The following UTP20 variants were observed in gnomAD, a reference collection of about 807,000 sequenced individuals.
UTP20 encodes UTP20 small subunit processome component.
In UTP20, 164 loss-of-function variants were observed where a neutral mutation model predicts 329.5. The ratio of observed to expected loss-of-function variants is 0.50; its 90% CI spans 0.44 to 0.57. The LOEUF is 0.57. UTP20 is among the 20% of genes least tolerant of loss of function. The probability of loss-of-function intolerance (pLI) is 0.00; values close to 1 mark genes in which losing one functional copy is unlikely to be tolerated. For synonymous variants in UTP20, 1,151 were observed against 1,159.3 expected (o/e 0.99, Z 0.14); for missense variants, 3,055 against 3,284.2 (o/e 0.93, Z 1.71).
rs532457594 is a variant in UTP20 at position 101,341,313 on chromosome 12, A to G, written c.4101+703A>G. Among the ~76,000 whole-genome samples, 7 of 93,158 alleles carry G rather than the reference A, an allele frequency of 7.5e-5. No individual in the cohort carries two copies. The East Asian group carries it at 0.012, about 165-fold the overall frequency. The allele number at this position is 93,158 out of a possible 152,430, so 61.1% of individuals were successfully genotyped here. Reference sequence around the variant, plus strand: ...ATCTTAATTGTAGATCACAGTGGCAAAACAGAATAAAATCAGACTTTTAAT... The same window carrying G: ...ATCTTAATTGTAGATCACAGTGGCAGAACAGAATAAAATCAGACTTTTAAT... On this transcript the variant is annotated intron_variant, in intron 32 of 61. Transcript: ENST00000261637.
chr12:101,308,303 A>T lies in UTP20; in HGVS notation c.2114A>T (p.Asp705Val), dbSNP rs1411928715. 9.9e-6 allele frequency: 16 copies of T among 1,611,416 alleles called. No individual in the cohort carries two copies. The highest frequency in any genetic ancestry group is 1.4e-5 in the Non-Finnish European group (16 of 1,178,934). ...KLLHLRKLRH[D>V]VVQTAVPDGP... ...CTTCATTTGAGAAAACTAAGACATG[A>T]TGTGGTACAGACTGCTGTCCCTGAT... Residue 705 changes from aspartate (D) to valine (V), a missense_variant, in exon 18 of 62, where the codon GAT becomes GTT. Asp to Val is a radical substitution (Grantham distance 152, BLOSUM62 -3). Transcript: ENST00000261637.
At position 101,370,636 on chromosome 12, in the gene UTP20, T is replaced by C; in HGVS notation, c.6687+73T>C. On this transcript the variant is annotated intron_variant, in intron 50 of 61. Transcript: ENST00000261637. ...GCAGATATTTTGAACACATAGATCA[T>C]AGTGTTTTGACTAGTCATAGACTTC... 1.3e-6 allele frequency: 2 copies of C among 1,482,074 alleles called. 1 individual carries two copies. The highest frequency in any genetic ancestry group is 2.6e-5 in the South Asian group (2 of 75,952). The allele number at this position is 1,482,074 out of a possible 1,614,324, so 91.8% of individuals were successfully genotyped here.
rs1302850358 is a variant in UTP20, at chr12:101,356,680, G to A, written c.5521G>A (p.Ala1841Thr). 2.5e-6 allele frequency: 4 copies of A among 1,609,774 alleles called. No individual in the cohort carries two copies. Among genetic ancestry groups the A allele is most frequent in the Non-Finnish European group, 3.4e-6 (4 of 1,179,178 alleles). ...GTCCCTTCCACAAGAAGTTATGGAA[G>A]CTAATCTGCCAAGGTATGTTTTTTA... ...MQSLPQEVMEANLPSILLKVC... is the reference protein window; with the variant it reads ...MQSLPQEVMETNLPSILLKVC... Residue 1841 changes from alanine (A) to threonine (T), a missense_variant, in exon 42 of 62, where the codon GCT (alanine) becomes ACT (threonine). This residue lies in a region of UTP20 where 2,445 missense variants were observed against 2,575.5 expected (regional missense o/e 0.95). Coordinates refer to ENST00000261637, the MANE Select transcript of UTP20 (RefSeq NM_014503.3).
intron 11 of UTP20, among the ~76,000 whole-genome samples, chr12:101,294,732 G>A (rs1350603821): frequency 7.2e-5 from 11 of 151,800 alleles, no homozygotes; most frequent in African/African-American, 2.7e-4. Context: ...TAGTAGAGAC[G>A]GGGTTTTACC....
At chr12:101,293,333 GT>G in intron 11 of UTP20, 88 bp downstream of exon 11, 2 of 1,278,958 alleles carry the variant, frequency 1.6e-6, no homozygotes, top group Non-Finnish European at 2.2e-6. Flanking sequence ...ATTTCTGTTT[GT>G]TTTTTGAGAG....
intron 21 of UTP20, among the ~76,000 whole-genome samples, chr12:101,313,764 G>A (rs769235574): frequency 4.0e-5 from 6 of 151,058 alleles, no homozygotes; most frequent in Non-Finnish European, 7.4e-5. Context: ...AATGGGGGAG[G>A]GACAGAATCA....
rs900539324 is a variant in UTP20 at position 101,375,568 on chromosome 12, C to A, written c.7264-56C>A. On this transcript the variant is annotated intron_variant, in intron 55 of 61. Transcript: ENST00000261637. ...GATTGATGTGCTGGAGTAAAATTGT[C>A]CATCAGATACTTTCAGATTGTTGTT... The A allele has an allele frequency of 8.8e-6, 14 of 1,583,522 alleles. No individual in the cohort carries two copies. The African/African-American group carries it at 1.5e-4, about 17-fold the overall frequency.
intron 21 of UTP20, among the ~76,000 whole-genome samples, chr12:101,313,798 C>T (rs1174816187): frequency 1.3e-5 from 2 of 151,808 alleles, no homozygotes; most frequent in Non-Finnish European, 2.9e-5. Flanking sequence ...AGGCTTTGGC[C>T]TGAGCAACTA....
intron 18 of UTP20, 79 bp from the exon 19 acceptor site, chr12:101,309,684 T>TTTGGGG: frequency 7.1e-7 from 1 of 1,416,170 alleles, no homozygotes. Context: ...TTGTCCAACT[T>TTTGGGG]GGGATGTTTG....
intron 44 of UTP20, 95 bp downstream of exon 44, chr12:101,362,155 A>G: frequency 1.1e-6 from 1 of 900,158 alleles, no homozygotes; most frequent in Non-Finnish European, 1.7e-6. Flanking sequence ...ATAGCCCATA[A>G]AAATGAAAAT....
At chr12:101,311,863 GC>G in intron 20 of UTP20, 65 bp downstream of exon 20, 1 of 1,562,956 alleles carries the variant, frequency 6.4e-7, no homozygotes, top group African/African-American at 1.4e-5. Context: ...TGTTTTTATT[GC>G]TTAATTACTC....
At chr12:101,310,298 G>A (rs778525572) in intron 19 of UTP20, among the ~76,000 whole-genome samples, 7 of 151,916 alleles carry the variant, frequency 4.6e-5, no homozygotes, top group East Asian at 3.9e-4. Context: ...GTTATAGGCC[G>A]GGCACGGTGA....
At position 101,370,582 on chromosome 12, in the gene UTP20, G is replaced by A. The variant is rs370766737; in HGVS notation, c.6687+19G>A. 4 of 1,607,254 alleles carry A rather than the reference G, an allele frequency of 2.5e-6. No individual in the cohort carries two copies. In the African/African-American group the frequency reaches 5.4e-5, roughly 22 times the overall value. On this transcript the variant is annotated intron_variant, in intron 50 of 61. Coordinates refer to ENST00000261637, the MANE Select transcript of UTP20 (RefSeq NM_014503.3). ...TCTGAAGGTATGCTGTCGCCAGAAT[G>A]TTGACTGTTACGGTTTATGAGTTTC...
At chr12:101,293,978 G>A (rs564395940) in intron 11 of UTP20, among the ~76,000 whole-genome samples, 3 of 151,980 alleles carry the variant, frequency 2.0e-5, no homozygotes, top group East Asian at 1.9e-4. Flanking sequence ...TTTGTTTTCT[G>A]CTCCCATCTT....
chr12:101,373,722 A>G lies in UTP20; in HGVS notation c.7086A>G (p.Lys2362=), dbSNP rs773184854. The G allele has an allele frequency of 1.2e-6, 2 of 1,611,602 alleles. No individual in the cohort carries two copies. Among genetic ancestry groups the G allele is most frequent in the Admixed American group, 1.7e-5 (1 of 59,116 alleles). ...SLLGKISLEK[K]DWLFDMVTTW... ...TTGGTAAAATCAGCCTCGAGAAAAA[A>G]GATTGGCTGTTTGATATGGTTACCA... Residue 2362 remains lysine, a synonymous_variant, in exon 54 of 62, where the codon AAA becomes AAG. Transcript: ENST00000261637.
rs144318853 is a variant in UTP20, at chr12:101,280,444, G to A, written c.45+117G>A. The A allele has an allele frequency of 4.6e-3, 5,961 of 1,306,524 alleles. 24 individuals are homozygous for A. The highest frequency in any genetic ancestry group is 0.016 in the Middle Eastern group (70 of 4,256). 80.9% of individuals were successfully genotyped at this position (1,306,524 alleles called of 1,614,324 possible). ...CTGGGCCGAGTGTGTCACTTTCCTG[G>A]AGGCTCCGGCGAAAGAGGGAGACAC... On this transcript the variant is annotated intron_variant, in intron 1 of 61. Transcript: ENST00000261637.
At chr12:101,381,933 C>T (rs953108080) in intron 58 of UTP20, among the ~76,000 whole-genome samples, 1 of 147,804 alleles carries the variant, frequency 6.8e-6, no homozygotes, top group Non-Finnish European at 1.5e-5. Flanking sequence ...GCAAGAGACT[C>T]ACTTGAACTG....
chr12:101,340,937 C>CTTTTTTTTTTTTT lies in UTP20; in HGVS notation c.4101+370_4101+382dup, dbSNP rs71091488. Among the ~76,000 whole-genome samples, 9 of 83,024 alleles carry CTTTTTTTTTTTTT rather than the reference C, an allele frequency of 1.1e-4. 3 individuals carry two copies. Among genetic ancestry groups the CTTTTTTTTTTTTT allele is most frequent in the Admixed American group, 3.0e-4 (2 of 6,584 alleles). The allele number at this position is 83,024 out of a possible 152,430, so 54.5% of individuals were successfully genotyped here. ...GAACCCAAGAAGTGCATTGTGTAATCTTTTTTTTTTTTTTTTTTTTTTTTT... is the reference window on the plus strand; with the variant it reads ...GAACCCAAGAAGTGCATTGTGTAATCTTTTTTTTTTTTTTTTTTTTTTTTTTTTTTTTTTTTTT... On this transcript the variant is annotated intron_variant, in intron 32 of 61. Coordinates refer to ENST00000261637, the MANE Select transcript of UTP20 (RefSeq NM_014503.3).
In UTP20 at chr12:101,302,460, T is replaced by C. The variant is rs1343814165; in HGVS notation, c.1688T>C (p.Val563Ala). The change falls in exon 15 of 62, where the codon GTT becomes GCT. Residue 563 changes from valine to alanine, a missense_variant. By Grantham distance (64) the Val-to-Ala change is moderately conservative (BLOSUM62 0). This residue lies in a region of UTP20 where 2,445 missense variants were observed against 2,575.5 expected (regional missense o/e 0.95). Transcript: ENST00000261637. ...KGSFGKGNLFVLCQAVNTLLS... is the reference protein window; with the variant it reads ...KGSFGKGNLFALCQAVNTLLS... ...TTTCTGCCCTTAGGAAACTTATTTG[T>C]TCTTTGTCAAGCTGTAAATACTCTA... 1 of 1,604,942 alleles carries C rather than the reference T, an allele frequency of 6.2e-7. No homozygotes were observed. The highest frequency in any genetic ancestry group is 1.7e-5 in the Admixed American group (1 of 58,140).
Sources: allele counts gnomAD v4.1 joint callset (sites outside exome capture counted in the v4.1 genomes callset), GRCh38; gene constraint gnomAD v4.1.1; regional missense constraint gnomAD v4.1.1; transcripts MANE v1.5; gene names NCBI Gene and HGNC (gene_info 2026-07-23, HGNC 2026-07-21).